The following GTF2H5 variants were observed in gnomAD, a reference collection of about 807,000 sequenced individuals.
GTF2H5 encodes TFB5 ortholog.
In GTF2H5, 5 loss-of-function variants were observed where a neutral mutation model predicts 7.1. The ratio of observed to expected loss-of-function variants is 0.71; its 90% CI spans 0.37 to 1.49. The LOEUF is 1.49. Ranked by LOEUF, GTF2H5 falls within the 40% of genes most tolerant of loss-of-function variation. The pLI, the probability that GTF2H5 is intolerant of heterozygous loss-of-function variation, is 0.03. For missense variants in GTF2H5, 80 were observed against 83.0 expected (o/e 0.96, Z 0.14); for synonymous variants, 30 against 31.7 (o/e 0.95, Z 0.18).
intron 2 of GTF2H5, among the ~76,000 whole-genome samples, chr6:158,184,987 CT>C (rs1776888283): frequency 6.6e-6 from 1 of 151,986 alleles, no homozygotes; most frequent in Non-Finnish European, 1.5e-5. Flanking sequence ...GTACAATAGC[CT>C]TGATCCTGGG....
chr6:158,187,444 T>G (rs1330739155), intron 2 of GTF2H5, among the ~76,000 whole-genome samples: 1 of 152,216 alleles, frequency 6.6e-6, no homozygotes, highest in Non-Finnish European at 1.5e-5. Flanking sequence ...GAAACATATT[T>G]TGGTGTAAAA....
rs1777116840 is a variant in GTF2H5, at chr6:158,196,563, C to T, written c.*4406C>T. The stretch of plus-strand genomic sequence containing the variant: ...CAGCAAAATAAACTCATCATTATAA[C>T]ATGTCTGAACAGGATCTAGTTTGAG... On this transcript the variant is annotated 3_prime_UTR_variant, in exon 3 of 3. Coordinates refer to ENST00000607778, the MANE Select transcript of GTF2H5 (RefSeq NM_207118.3). 1 of 152,176 alleles carries T rather than the reference C, an allele frequency of 6.6e-6. No individual in the cohort carries two copies. Among genetic ancestry groups the T allele is most frequent in the African/African-American group, 2.4e-5 (1 of 41,440 alleles). The allele number at this position is 152,176 out of a possible 1,614,324, so 9.4% of individuals were successfully genotyped here. A position where few individuals can be genotyped will look rare whatever the true frequency, so the allele number is the denominator to read the frequency against.
intron 2 of GTF2H5, among the ~76,000 whole-genome samples, chr6:158,180,831 G>T (rs1412986354): frequency 8.0e-6 from 1 of 124,940 alleles, no homozygotes; most frequent in Non-Finnish European, 1.6e-5. Flanking sequence ...GGGATTCATT[G>T]ATTTTTTTTT....
At chr6:158,170,657 T>G in intron 2 of GTF2H5, 119 bp downstream of exon 2, 3 of 772,372 alleles carry the variant, frequency 3.9e-6, no homozygotes, top group Non-Finnish European at 4.5e-6. Context: ...TCTTTCGCTT[T>G]TAACAAGTGG....
chr6:158,187,976 G>T (rs948443095), intron 2 of GTF2H5, among the ~76,000 whole-genome samples: 1 of 152,202 alleles, frequency 6.6e-6, no homozygotes, highest in Non-Finnish European at 1.5e-5. Flanking sequence ...TAGTTTTTCA[G>T]GTTAACTTTG....
rs950618366 is a variant in GTF2H5, at chr6:158,192,246, A to G, written c.*89A>G. On this transcript the variant is annotated 3_prime_UTR_variant, in exon 3 of 3. Coordinates refer to ENST00000607778, the MANE Select transcript of GTF2H5 (RefSeq NM_207118.3). Reference sequence around the variant, plus strand: ...ATCTTAGGTGACTGATTAGACATAGAGGGTTGTTTTAGGAGCATGCCACGG... The same window carrying G: ...ATCTTAGGTGACTGATTAGACATAGGGGGTTGTTTTAGGAGCATGCCACGG... The G allele has an allele frequency of 3.1e-5, 33 of 1,052,748 alleles. No homozygotes were observed. In the South Asian group the frequency reaches 3.9e-4, roughly 12 times the overall value. The allele number at this position is 1,052,748 out of a possible 1,614,324, so 65.2% of individuals were successfully genotyped here.
At chr6:158,172,000 T>C (rs193287552) in intron 2 of GTF2H5, among the ~76,000 whole-genome samples, 177 of 152,250 alleles carry the variant, frequency 1.2e-3, no homozygotes, top group African/African-American at 4.2e-3. Context: ...TGGCCTTTAG[T>C]GTTATTTTTA....
Position 158,195,034 on chromosome 6 carries a change from G to A in GTF2H5, c.*2877G>A, listed in dbSNP as rs530773591. On this transcript the variant is annotated 3_prime_UTR_variant, in exon 3 of 3. Coordinates refer to ENST00000607778, the MANE Select transcript of GTF2H5 (RefSeq NM_207118.3). ...AACTATGGGTGAACAGGAAATAAGC[G>A]ACATTCACCTAGGCTGTTTATTGGA... is the stretch of plus-strand genomic sequence containing the variant. 3.3e-5 allele frequency: 5 copies of A among 152,208 alleles called. No homozygotes were observed. The highest frequency in any genetic ancestry group is 2.1e-4 in the South Asian group (1 of 4,826). 9.4% of individuals were successfully genotyped at this position (152,208 alleles called of 1,614,324 possible). A position where few individuals can be genotyped will look rare whatever the true frequency, so the allele number is the denominator to read the frequency against.
intron 2 of GTF2H5, among the ~76,000 whole-genome samples, chr6:158,173,854 A>C (rs1034207221): frequency 3.3e-5 from 5 of 152,130 alleles, no homozygotes; most frequent in Admixed American, 6.5e-5. Flanking sequence ...CCATTTCTTG[A>C]GTATATGTTA....
In GTF2H5 at chr6:158,191,967, GT is replaced by G. The variant is rs769952628; in HGVS notation, c.36-9del. The G allele has an allele frequency of 7.4e-6, 12 of 1,610,984 alleles. No homozygotes were observed. The Admixed American group carries it at 1.2e-4, about 16-fold the overall frequency. On this transcript the variant is annotated splice_polypyrimidine_tract_variant and intron_variant, in intron 2 of 2. Coordinates refer to ENST00000607778, the MANE Select transcript of GTF2H5 (RefSeq NM_207118.3). ...CAAGCTGTCTTACAATCATGTGTTT[GT>G]CTTTACAGTGATCCTGCCATGAAGC...
intron 1 of GTF2H5, among the ~76,000 whole-genome samples, chr6:158,168,972 A>C (rs1272090373): frequency 1.3e-5 from 2 of 149,912 alleles, no homozygotes; most frequent in African/African-American, 4.9e-5. Flanking sequence ...GGTGGCTCAC[A>C]CCTGTTGTCC....
chr6:158,169,348 TATATATAATAC>T (rs1182715447), intron 1 of GTF2H5, among the ~76,000 whole-genome samples: 5 of 109,582 alleles, frequency 4.6e-5, no homozygotes, highest in African/African-American at 1.8e-4. Context: ...ATACGTATAT[TATATATAATAC>T]ATATATATAA....
rs962652288 is a variant in GTF2H5, at chr6:158,198,463, C to T, written c.*6306C>T. On this transcript the variant is annotated 3_prime_UTR_variant, in exon 3 of 3. Transcript: ENST00000607778. ...TTTTATTTTTTTTGAAACAAGATCT[C>T]GCTCTGTTGCTCAGGCTGAAGTGCA... The T allele has an allele frequency of 1.3e-5, 2 of 152,162 alleles. No homozygotes were observed. Among genetic ancestry groups the T allele is most frequent in the African/African-American group, 2.4e-5 (1 of 41,422 alleles). 9.4% of individuals were successfully genotyped at this position (152,162 alleles called of 1,614,324 possible).
At chr6:158,174,160 A>G (rs1785898504) in intron 2 of GTF2H5, among the ~76,000 whole-genome samples, 1 of 152,146 alleles carries the variant, frequency 6.6e-6, no homozygotes, top group Admixed American at 6.5e-5. Flanking sequence ...CTTGGAAACT[A>G]GTCCTGCTGA....
chr6:158,175,446 A>G (rs1173929032), intron 2 of GTF2H5, among the ~76,000 whole-genome samples: 1 of 152,174 alleles, frequency 6.6e-6, no homozygotes, highest in African/African-American at 2.4e-5. Flanking sequence ...CCTTTAACAC[A>G]ATAACTCCGT....
At chr6:158,181,420 T>C (rs534833965) in intron 2 of GTF2H5, among the ~76,000 whole-genome samples, 270 of 152,312 alleles carry the variant, frequency 1.8e-3, no homozygotes, top group Non-Finnish European at 2.0e-3. Context: ...AAGTCCTGGA[T>C]ATCCTTGTTA....
intron 2 of GTF2H5, among the ~76,000 whole-genome samples, chr6:158,171,002 C>G (rs921714610): frequency 2.0e-5 from 3 of 152,154 alleles, no homozygotes; most frequent in African/African-American, 7.2e-5. Flanking sequence ...TCCAGGAACC[C>G]CGGGAACCCT....
rs1777068575 is a variant in GTF2H5, at chr6:158,193,988, C to CTAAA, written c.*1831_*1832insTAAA. 1 of 74,610 alleles carries CTAAA rather than the reference C, an allele frequency of 1.3e-5. No homozygotes were observed. The highest frequency in any genetic ancestry group is 4.7e-5 in the African/African-American group (1 of 21,062). 4.6% of individuals were successfully genotyped at this position (74,610 alleles called of 1,614,324 possible). On this transcript the variant is annotated 3_prime_UTR_variant, in exon 3 of 3. Transcript: ENST00000607778. ...TGGGCGACAGAGGGAGACTCCATCT[C>CTAAA]AAAAAAAAAAAAAAAAAAAAATGAA...
chr6:158,171,111 G>T (rs140397441), intron 2 of GTF2H5, among the ~76,000 whole-genome samples: 63 of 152,230 alleles, frequency 4.1e-4, no homozygotes, highest in African/African-American at 1.3e-3. Flanking sequence ...TACTGTGATG[G>T]CAAGGCTAAG....
Sources: allele counts gnomAD v4.1 joint callset (sites outside exome capture counted in the v4.1 genomes callset), GRCh38; gene constraint gnomAD v4.1.1; transcripts MANE v1.5; gene names NCBI Gene and HGNC (gene_info 2026-07-23, HGNC 2026-07-21).